LNPEP: variants seen among roughly 807,000 people sequenced by gnomAD.
The protein encoded by LNPEP is leucyl and cystinyl aminopeptidase.
Under a neutral mutation model 120.6 loss-of-function variants are expected in LNPEP, and 64 were observed. The observed-to-expected ratio is 0.53, with a 90% CI of 0.43 to 0.65. LNPEP has a LOEUF of 0.65. Among genes scored for constraint, LNPEP ranks in the 30% least tolerant of loss-of-function variants. The probability of loss-of-function intolerance (pLI) is 0.00; values close to 1 mark genes in which losing one functional copy is unlikely to be tolerated. For missense variants in LNPEP, 1,057 were observed against 1,200.0 expected, an observed-to-expected ratio of 0.88 and a Z score of 1.76; for synonymous variants, 435 against 425.4, an observed-to-expected ratio of 1.02 and a Z score of -0.28.
At chr5:97,025,674 A>G (rs1228937334) in intron 15 of LNPEP, among the ~76,000 whole-genome samples, 1 of 152,220 alleles carries the variant, frequency 6.6e-6, no homozygotes, top group Non-Finnish European at 1.5e-5. Flanking sequence ...GTACGTACAT[A>G]CATACACACA....
At chr5:97,014,558 T>TA (rs3839296) in intron 12 of LNPEP, among the ~76,000 whole-genome samples, 25 of 145,614 alleles carry the variant, frequency 1.7e-4, no homozygotes, top group African/African-American at 3.8e-4. Context: ...CAAATAAAAT[T>TA]AAAAAAAGAA....
At chr5:96,984,969 G>A in intron 2 of LNPEP, 111 bp from the exon 3 acceptor site, 1 of 1,158,716 alleles carries the variant, frequency 8.6e-7, no homozygotes, top group Non-Finnish European at 1.2e-6. Context: ...CCAGTTTATT[G>A]CAGATCCTTT....
chr5:97,022,767 C>T (rs1328631545), intron 14 of LNPEP, among the ~76,000 whole-genome samples: 1 of 144,652 alleles, frequency 6.9e-6, no homozygotes, highest in African/African-American at 2.6e-5. Flanking sequence ...AGGTATATCT[C>T]CTAATGCTAT....
In LNPEP at chr5:97,034,881, G is replaced by A. The variant is rs1277804130; in HGVS notation, c.*6348G>A. On this transcript the variant is annotated 3_prime_UTR_variant, in exon 18 of 18. Coordinates refer to ENST00000231368, the MANE Select transcript of LNPEP (RefSeq NM_005575.3). ...ATCCCTCATTGCCTAGGGGGCAATG[G>A]TAGAATAGATGTTTGGTTTCTTTTG... 6.6e-6 allele frequency: 1 copy of A among 151,852 alleles called. No individual in the cohort carries two copies. Among genetic ancestry groups the A allele is most frequent in the Non-Finnish European group, 1.5e-5 (1 of 67,922 alleles). 9.4% of individuals were successfully genotyped at this position (151,852 alleles called of 1,614,324 possible). A position where few individuals can be genotyped will look rare whatever the true frequency, so the allele number is the denominator to read the frequency against.
At chr5:96,955,300 A>C (rs944860204) in intron 1 of LNPEP, among the ~76,000 whole-genome samples, 3 of 152,094 alleles carry the variant, frequency 2.0e-5, no homozygotes, top group African/African-American at 4.8e-5. Context: ...TTGACTCAGC[A>C]TACTGGTTTC....
At position 96,936,175 on chromosome 5, in the gene LNPEP, G is replaced by C; in HGVS notation, c.19+1G>C. ...GGGAAAATGGAGCCCTTCACCAATG[G>C]TGAGTGGGCTGCCGAGGCGCCGGGA... On this transcript the variant is annotated splice_donor_variant, in intron 1 of 17. Transcript: ENST00000231368. LOFTEE classifies it high-confidence loss of function. 1.4e-6 allele frequency: 2 copies of C among 1,463,206 alleles called. No homozygotes were observed. The highest frequency in any genetic ancestry group is 1.8e-6 in the Non-Finnish European group (2 of 1,109,316). 90.6% of individuals were successfully genotyped at this position (1,463,206 alleles called of 1,614,324 possible).
At chr5:97,027,671 C>G (rs1044874718) in intron 16 of LNPEP, 62 bp from the exon 17 acceptor site, 4 of 1,070,302 alleles carry the variant, frequency 3.7e-6, no homozygotes. Context: ...TCCTTGCACT[C>G]AGGAACAACG....
At chr5:97,004,342 G>A (rs767154133) in intron 9 of LNPEP, among the ~76,000 whole-genome samples, 25 of 151,916 alleles carry the variant, frequency 1.6e-4, no homozygotes, top group Non-Finnish European at 2.8e-4. Flanking sequence ...GTGAAACCCC[G>A]TCTCCACTAA....
chr5:96,997,607 T>C (rs555837048), intron 7 of LNPEP, among the ~76,000 whole-genome samples: 1 of 152,264 alleles, frequency 6.6e-6, no homozygotes, highest in East Asian at 1.9e-4. Context: ...AATTCTAGAC[T>C]ATATATAAGA....
chr5:96,996,650 C>T, intron 7 of LNPEP, 147 bp downstream of exon 7: 2 of 548,498 alleles, frequency 3.6e-6, no homozygotes, highest in Non-Finnish European at 6.5e-6. Context: ...GATATCTATA[C>T]CTTTTGAGAT....
intron 13 of LNPEP, 48 bp downstream of exon 13, chr5:97,015,143 T>C: frequency 7.5e-7 from 1 of 1,327,146 alleles, no homozygotes; most frequent in Non-Finnish European, 1.0e-6. Context: ...TTTAATATTG[T>C]TATTCATGGT....
chr5:97,006,142 G>C lies in LNPEP; in HGVS notation c.1855G>C (p.Val619Leu). ...TWTLQKGFPL[V>L]TVQKKGKELF... ...GACCCTGCAGAAAGGATTTCCTTTAGTGACTGTTCAAAAGAAAGGAAAGGA... is the reference window on the plus strand; with the variant it reads ...GACCCTGCAGAAAGGATTTCCTTTACTGACTGTTCAAAAGAAAGGAAAGGA... The change falls in exon 10 of 18, where the codon GTG becomes CTG. Residue 619 changes from valine (V) to leucine (L), a missense_variant. Coordinates refer to ENST00000231368, the MANE Select transcript of LNPEP (RefSeq NM_005575.3). The C allele has an allele frequency of 6.3e-7, 1 of 1,597,530 alleles. No homozygotes were observed. Among genetic ancestry groups the C allele is most frequent in the Non-Finnish European group, 8.5e-7 (1 of 1,169,898 alleles).
At chr5:97,008,704 G>A (rs1472658332) in intron 11 of LNPEP, among the ~76,000 whole-genome samples, 3 of 124,354 alleles carry the variant, frequency 2.4e-5, no homozygotes, top group South Asian at 2.6e-4. Context: ...TCGCTCTGTT[G>A]CCCAGGTGAG....
intron 1 of LNPEP, chr5:96,936,456 AGAG>A (rs1250834672): frequency 1.7e-5 from 6 of 353,178 alleles, no homozygotes; most frequent in Admixed American, 4.8e-5. Context: ...TGCTGTGCGC[AGAG>A]GAGTGGGCAG....
In LNPEP at chr5:96,996,403, T is replaced by A. The variant is rs1194919634; in HGVS notation, c.1421T>A (p.Leu474Gln). ...HELAHQWFGN[L>Q]VTMKWWNDLW... ...CTCTCCCCCCAGTGGTTTGGCAATC[T>A]GGTAACAATGAAGTGGTGGAATGAC... Residue 474 changes from leucine (L) to glutamine (Q), a missense_variant, in exon 7 of 18, where the codon CTG becomes CAG. Coordinates refer to ENST00000231368, the MANE Select transcript of LNPEP (RefSeq NM_005575.3). 4.4e-6 allele frequency: 7 copies of A among 1,605,498 alleles called. No homozygotes were observed. Among genetic ancestry groups the A allele is most frequent in the African/African-American group, 1.3e-5 (1 of 74,716 alleles).
chr5:97,020,189 G>A (rs1791159765), intron 13 of LNPEP, among the ~76,000 whole-genome samples: 1 of 152,110 alleles, frequency 6.6e-6, no homozygotes, highest in African/African-American at 2.4e-5. Context: ...TAGGATAATG[G>A]TCTTAATAGT....
At chr5:96,955,599 A>G (rs974848563) in intron 1 of LNPEP, among the ~76,000 whole-genome samples, 2 of 152,222 alleles carry the variant, frequency 1.3e-5, no homozygotes, top group Non-Finnish European at 2.9e-5. Flanking sequence ...TGGCTGGGCA[A>G]CAGAGTGAGA....
intron 1 of LNPEP, among the ~76,000 whole-genome samples, chr5:96,961,162 A>G (rs977119853): frequency 7.2e-5 from 11 of 152,166 alleles, no homozygotes; most frequent in African/African-American, 2.4e-4. Flanking sequence ...TTATTTGAAA[A>G]GGATTCACCT....
At chr5:96,971,607 T>C (rs1336535462) in intron 1 of LNPEP, among the ~76,000 whole-genome samples, 1 of 152,052 alleles carries the variant, frequency 6.6e-6, no homozygotes, top group Non-Finnish European at 1.5e-5. Context: ...TCATTGTTCT[T>C]CAAATTGGTA....
Sources: gnomAD v4.1 joint callset for allele counts (sites outside exome capture counted in the v4.1 genomes callset) on GRCh38, gnomAD v4.1.1 for gene constraint, MANE v1.5 for transcripts, NCBI Gene and HGNC (gene_info 2026-07-23, HGNC 2026-07-21) for gene names.